Variants in SNTG2 observed in about 807,000 individuals in gnomAD.
SNTG2 encodes syntrophin gamma 2, also known as gamma-2-syntrophin.
A neutral mutation model predicts 70.9 loss-of-function variants in SNTG2; 74 were observed. That is an observed-to-expected ratio of 1.04 (90% confidence interval 0.86 to 1.27). The LOEUF (loss-of-function observed/expected upper bound fraction) is 1.27, where lower values mean the gene tolerates loss of function less well. Ranked by LOEUF, SNTG2 falls within the 50% of genes most tolerant of loss-of-function variation. The pLI is 0.00. For missense variants in SNTG2, 717 were observed against 690.7 expected, an observed-to-expected ratio of 1.04 and a Z score of -0.43; for synonymous variants, 278 against 273.8, an observed-to-expected ratio of 1.02 and a Z score of -0.15.
chr2:1,258,162 C>T (rs575304049), intron 12 of SNTG2, among the ~76,000 whole-genome samples: 1 of 152,114 alleles, frequency 6.6e-6, no homozygotes, highest in Non-Finnish European at 1.5e-5. Context: ...GAGGAATCAG[C>T]GGGCACTGCT....
chr2:1,090,689 G>C (rs543525895), intron 2 of SNTG2, among the ~76,000 whole-genome samples: 1 of 152,134 alleles, frequency 6.6e-6, no homozygotes, highest in Non-Finnish European at 1.5e-5. Context: ...CTTCCTTCGG[G>C]GTGGGCTGTC....
chr2:994,689 G>A (rs1257957922), intron 1 of SNTG2, among the ~76,000 whole-genome samples: 1 of 151,638 alleles, frequency 6.6e-6, no homozygotes, highest in Non-Finnish European at 1.5e-5. Context: ...CCATGAACAT[G>A]GACTGTCTTT....
At chr2:1,177,696 C>CA (rs1671576778) in intron 8 of SNTG2, among the ~76,000 whole-genome samples, 2 of 143,938 alleles carry the variant, frequency 1.4e-5, no homozygotes, top group South Asian at 2.2e-4. Context: ...TATTTTCTGA[C>CA]AAAAAAGAGA....
At chr2:1,026,133 CTTTG>C (rs971614588) in intron 1 of SNTG2, among the ~76,000 whole-genome samples, 4 of 152,116 alleles carry the variant, frequency 2.6e-5, no homozygotes, top group African/African-American at 7.2e-5. Context: ...AAGCAAGCAG[CTTTG>C]TTTGTTACTG....
At chr2:1,244,707 A>C (rs1035317479) in intron 11 of SNTG2, among the ~76,000 whole-genome samples, 5 of 151,750 alleles carry the variant, frequency 3.3e-5, no homozygotes, top group African/African-American at 4.8e-5. Context: ...AAAAAAAAAA[A>C]AAAAAAAAAC....
In SNTG2 at chr2:1,106,068, A is replaced by G. The variant is rs199618973; in HGVS notation, c.325+7658A>G. Reference sequence around the variant, plus strand: ...AGGGTATGGAGAGCTCCTTGGTAATAGTGGACACCTGCTGTCACTCGGGTG... The same window carrying G: ...AGGGTATGGAGAGCTCCTTGGTAATGGTGGACACCTGCTGTCACTCGGGTG... On this transcript the variant is annotated intron_variant, in intron 4 of 16. Transcript: ENST00000308624. Among the ~76,000 whole-genome samples, 7 of 146,416 alleles carry G rather than the reference A, an allele frequency of 4.8e-5. No homozygotes were observed. The East Asian group carries it at 1.2e-3, about 26-fold the overall frequency.
chr2:1,250,908 TTCTC>T (rs1197741735), intron 12 of SNTG2, among the ~76,000 whole-genome samples: 1 of 152,244 alleles, frequency 6.6e-6, no homozygotes, highest in African/African-American at 2.4e-5. Flanking sequence ...TATCGTCTCT[TTCTC>T]CTTCTGCATA....
intron 14 of SNTG2, among the ~76,000 whole-genome samples, chr2:1,292,202 G>C (rs1215414247): frequency 9.0e-6 from 1 of 111,476 alleles, no homozygotes; most frequent in African/African-American, 3.2e-5. Context: ...CAACTTTTTT[G>C]TGCAGGATTT....
chr2:1,315,839 TTATATAA>T (rs1253403358), intron 15 of SNTG2, among the ~76,000 whole-genome samples: 1 of 152,302 alleles, frequency 6.6e-6, no homozygotes, highest in Non-Finnish European at 1.5e-5. Context: ...TGACTATGTC[TTATATAA>T]TATAGGAAGA....
chr2:1,231,420 CTGT>C (rs1421604668), intron 9 of SNTG2, among the ~76,000 whole-genome samples: 4 of 152,210 alleles, frequency 2.6e-5, no homozygotes, highest in African/African-American at 7.2e-5. Flanking sequence ...ATTTAGTTCT[CTGT>C]TGTTGTTACA....
intron 1 of SNTG2, among the ~76,000 whole-genome samples, chr2:990,281 A>G (rs1408205758): frequency 6.6e-6 from 1 of 152,144 alleles, no homozygotes; most frequent in African/African-American, 2.4e-5. Flanking sequence ...TGCAGGTGCT[A>G]ATCAGAGGAG....
At chr2:1,224,717 T>G (rs6548209) in intron 9 of SNTG2, among the ~76,000 whole-genome samples, 50,260 of 152,180 alleles carry the variant, frequency 0.33, 10,177 homozygotes, top group African/African-American at 0.58. Context: ...TGGTTTCCTG[T>G]TGTAGAGATT....
chr2:1,029,575 C>T (rs890383281), intron 1 of SNTG2, among the ~76,000 whole-genome samples: 2 of 152,224 alleles, frequency 1.3e-5, no homozygotes, highest in African/African-American at 4.8e-5. Context: ...TCAGTTGACA[C>T]ATGAGTTCTC....
chr2:1,208,984 T>TTTTTA lies in SNTG2; in HGVS notation c.592-117_592-113dup, dbSNP rs544361365. The TTTTTA allele has an allele frequency of 9.4e-4, 1,105 of 1,177,788 alleles. 9 individuals carry two copies. In the African/African-American group the frequency reaches 0.02, roughly 21 times the overall value. 73.0% of individuals were successfully genotyped at this position (1,177,788 alleles called of 1,614,324 possible). ...TCTTTCAGAAACAACCTCACTTGCT[T>TTTTTA]TTTTATCAGTTGAAATGTGTTGGAC... is the stretch of plus-strand genomic sequence containing the variant. On this transcript the variant is annotated intron_variant, in intron 8 of 16. Transcript: ENST00000308624.
intron 13 of SNTG2, among the ~76,000 whole-genome samples, chr2:1,265,974 G>A (rs1678708819): frequency 1.3e-5 from 2 of 152,172 alleles, no homozygotes; most frequent in African/African-American, 4.8e-5. Context: ...AAGGTGTCTG[G>A]TGGGGGCTCT....
chr2:1,231,751 G>A (rs1360902576), intron 9 of SNTG2, among the ~76,000 whole-genome samples: 3 of 152,184 alleles, frequency 2.0e-5, no homozygotes, highest in Admixed American at 6.5e-5. Context: ...AGAGGGGAGT[G>A]TAGACACCAC....
At chr2:968,282 A>C (rs1660633971) in intron 1 of SNTG2, among the ~76,000 whole-genome samples, 1 of 151,566 alleles carries the variant, frequency 6.6e-6, no homozygotes, top group East Asian at 1.9e-4. Flanking sequence ...TGTTTGCAAT[A>C]TTTCTTATGT....
chr2:1,173,177 T>C lies in SNTG2; in HGVS notation c.585T>C (p.Ser195=). 6.2e-7 allele frequency: 1 copy of C among 1,613,726 alleles called. No homozygotes were observed. The change falls in exon 8 of 17, where the codon AGT becomes AGC. Residue 195 remains serine, a synonymous_variant. Coordinates refer to ENST00000308624, the MANE Select transcript of SNTG2 (RefSeq NM_018968.4). ...DSGLHLNGNS[S]TTAPSSPSSP... ...GTTTGCATCTGAACGGAAACTCCAG[T>C]ACCACAGTAAGCATATAGATTTTTG...
chr2:980,221 A>G (rs1661053729), intron 1 of SNTG2, among the ~76,000 whole-genome samples: 1 of 152,196 alleles, frequency 6.6e-6, no homozygotes, highest in Admixed American at 6.5e-5. Context: ...TGTATGTTAC[A>G]GTTACATGTT....
Sources: gnomAD v4.1 joint callset for allele counts (sites outside exome capture counted in the v4.1 genomes callset) on GRCh38, gnomAD v4.1.1 for gene constraint, MANE v1.5 for transcripts, NCBI Gene and HGNC (gene_info 2026-07-23, HGNC 2026-07-21) for gene names.